Variants in COL8A1 observed in about 807,000 individuals in gnomAD.
COL8A1 encodes the protein collagen type VIII alpha 1 chain.
In COL8A1, 21 loss-of-function variants were observed where a neutral mutation model predicts 42.7. The ratio of observed to expected loss-of-function variants is 0.49; its 90% CI spans 0.35 to 0.71. The LOEUF (loss-of-function observed/expected upper bound fraction) is 0.71, where lower values mean the gene tolerates loss of function less well. Ranked by LOEUF, COL8A1 falls within the 30% of genes least tolerant of loss-of-function variation. The pLI, the probability that COL8A1 is intolerant of heterozygous loss-of-function variation, is 0.01. For missense variants in COL8A1, 788 were observed against 962.4 expected (o/e 0.82, Z 2.40); for synonymous variants, 367 against 369.1 (o/e 0.99, Z 0.06).
intron 1 of COL8A1, among the ~76,000 whole-genome samples, chr3:99,688,783 T>C (rs1403349210): frequency 3.3e-5 from 5 of 152,312 alleles, no homozygotes. Flanking sequence ...CATCATCATG[T>C]TCAATTCTTC....
intron 1 of COL8A1, among the ~76,000 whole-genome samples, chr3:99,740,598 G>A (rs1419034645): frequency 6.6e-6 from 1 of 152,158 alleles, no homozygotes; most frequent in East Asian, 1.9e-4. Flanking sequence ...CAGCATGAGG[G>A]TAACCGCCCC....
chr3:99,653,371 G>A (rs1318276150), intron 1 of COL8A1, among the ~76,000 whole-genome samples: 1 of 151,882 alleles, frequency 6.6e-6, no homozygotes. Flanking sequence ...GACATTTTTG[G>A]TCTTTTTTTT....
chr3:99,645,815 A>G (rs563866594), intron 1 of COL8A1, among the ~76,000 whole-genome samples: 6 of 152,282 alleles, frequency 3.9e-5, no homozygotes, highest in South Asian at 4.1e-4. Flanking sequence ...AACTAAAACA[A>G]TCTTAGAAAA....
intron 1 of COL8A1, among the ~76,000 whole-genome samples, chr3:99,673,587 A>C (rs1165628645): frequency 6.6e-6 from 1 of 152,134 alleles, no homozygotes; most frequent in Admixed American, 6.6e-5. Context: ...AATTTTGAAG[A>C]ACAATATTTT....
intron 1 of COL8A1, among the ~76,000 whole-genome samples, chr3:99,686,818 G>A (rs1939066899): frequency 6.6e-6 from 1 of 152,136 alleles, no homozygotes; most frequent in Non-Finnish European, 1.5e-5. Flanking sequence ...TGGGACTACA[G>A]GCACATGCCA....
chr3:99,666,264 G>A (rs1938365877), intron 1 of COL8A1, among the ~76,000 whole-genome samples: 1 of 152,276 alleles, frequency 6.6e-6, no homozygotes, highest in African/African-American at 2.4e-5. Context: ...TCCATACTTA[G>A]AAGGAAATTA....
At chr3:99,704,234 A>C (rs998571929) in intron 1 of COL8A1, among the ~76,000 whole-genome samples, 1 of 152,188 alleles carries the variant, frequency 6.6e-6, no homozygotes, top group Non-Finnish European at 1.5e-5. Context: ...TTGTCTAAAA[A>C]TTGAATGAAT....
intron 1 of COL8A1, among the ~76,000 whole-genome samples, chr3:99,719,922 A>T (rs1202697450): frequency 6.6e-6 from 1 of 152,098 alleles, no homozygotes; most frequent in Non-Finnish European, 1.5e-5. Context: ...CTTCCATTTC[A>T]GTGGACTCCC....
chr3:99,647,628 C>T (rs1199559422), intron 1 of COL8A1, among the ~76,000 whole-genome samples: 1 of 152,114 alleles, frequency 6.6e-6, no homozygotes, highest in East Asian at 1.9e-4. Flanking sequence ...GCAATAAGTT[C>T]AATAAACAAG....
chr3:99,717,238 C>A (rs1477422612), intron 1 of COL8A1, among the ~76,000 whole-genome samples: 2 of 151,976 alleles, frequency 1.3e-5, no homozygotes, highest in Non-Finnish European at 2.9e-5. Flanking sequence ...ACAAAATAGG[C>A]ATTTAGTAAA....
intron 1 of COL8A1, among the ~76,000 whole-genome samples, chr3:99,726,225 A>G (rs1940320667): frequency 6.6e-6 from 1 of 152,092 alleles, no homozygotes; most frequent in African/African-American, 2.4e-5. Context: ...TTTGAGAAGT[A>G]TCTGTTCGTA....
intron 1 of COL8A1, among the ~76,000 whole-genome samples, chr3:99,693,901 G>T (rs182507582): frequency 4.6e-5 from 7 of 152,178 alleles, no homozygotes; most frequent in South Asian, 4.2e-4. Flanking sequence ...GCCCTATACA[G>T]GTATACTATT....
At chr3:99,757,996 G>T (rs1412399314) in intron 2 of COL8A1, among the ~76,000 whole-genome samples, 1 of 152,138 alleles carries the variant, frequency 6.6e-6, no homozygotes, top group Admixed American at 6.5e-5. Context: ...CTTTTAGGTT[G>T]ATACCAAAGT....
At chr3:99,723,330 G>A (rs1367093384) in intron 1 of COL8A1, among the ~76,000 whole-genome samples, 1 of 152,012 alleles carries the variant, frequency 6.6e-6, no homozygotes, top group Non-Finnish European at 1.5e-5. Context: ...GGGTGGTTGA[G>A]GTAGAGACCT....
chr3:99,665,770 C>T (rs907096843), intron 1 of COL8A1, among the ~76,000 whole-genome samples: 1 of 150,062 alleles, frequency 6.7e-6, no homozygotes, highest in African/African-American at 2.5e-5. Context: ...CAACCTCCGC[C>T]TCCCGGGTTC....
intron 1 of COL8A1, among the ~76,000 whole-genome samples, chr3:99,727,758 C>A (rs1940379268): frequency 1.3e-5 from 2 of 151,928 alleles, no homozygotes; most frequent in Admixed American, 6.6e-5. Flanking sequence ...TACTGGCAAA[C>A]CGAATCCAGC....
chr3:99,669,196 A>G (rs1184248450), intron 1 of COL8A1, among the ~76,000 whole-genome samples: 1 of 144,126 alleles, frequency 6.9e-6, no homozygotes, highest in Non-Finnish European at 1.5e-5. Flanking sequence ...CAAAGGGATA[A>G]TTGGGGGATA....
In COL8A1 at chr3:99,796,889, G is replaced by T. The variant is rs1276380737; in HGVS notation, c.*753G>T. 3.3e-5 allele frequency: 5 copies of T among 152,172 alleles called. No homozygotes were observed. In the East Asian group the frequency reaches 9.6e-4, roughly 29 times the overall value. 9.4% of individuals were successfully genotyped at this position (152,172 alleles called of 1,614,324 possible). A position where few individuals can be genotyped will look rare whatever the true frequency, so the allele number is the denominator to read the frequency against. ...GTAACCCTCAAGGAGCTAGAGAACC[G>T]GATGGGAGACATGAGCAGTAATTAA... On this transcript the variant is annotated 3_prime_UTR_variant, in exon 4 of 4. Coordinates refer to ENST00000652472, the MANE Select transcript of COL8A1 (RefSeq NM_020351.4).
intron 1 of COL8A1, among the ~76,000 whole-genome samples, chr3:99,662,077 A>G (rs1191940129): frequency 6.6e-6 from 1 of 152,148 alleles, no homozygotes; most frequent in Middle Eastern, 3.2e-3. Flanking sequence ...TGAACTGTAC[A>G]CTTAAAAATG....
Sources: allele counts gnomAD v4.1 joint callset (sites outside exome capture counted in the v4.1 genomes callset), GRCh38; gene constraint gnomAD v4.1.1; transcripts MANE v1.5; gene names NCBI Gene and HGNC (gene_info 2026-07-23, HGNC 2026-07-21).